The following CTNNA3 variants were observed in gnomAD, a reference collection of about 807,000 sequenced individuals.
CTNNA3 encodes catenin alpha-3.
In CTNNA3, 76 loss-of-function variants were observed where a neutral mutation model predicts 95.7. The ratio of observed to expected loss-of-function variants is 0.79; its 90% confidence interval spans 0.66 to 0.96. The LOEUF is 0.96. CTNNA3 is among the 40% of genes least tolerant of loss of function. The pLI is 0.00. For synonymous variants in CTNNA3, 431 were observed against 374.4 expected (o/e 1.15, Z -1.74); for missense variants, 1,191 against 1,089.8 (o/e 1.09, Z -1.31).
intron 13 of CTNNA3, among the ~76,000 whole-genome samples, chr10:66,265,490 C>T (rs1201960963): frequency 1.3e-5 from 2 of 151,990 alleles, no homozygotes; most frequent in African/African-American, 4.8e-5. Flanking sequence ...TTCAAACAGC[C>T]TAGCATGTAT....
At chr10:67,139,376 T>G (rs1435296440) in intron 7 of CTNNA3, among the ~76,000 whole-genome samples, 1 of 150,154 alleles carries the variant, frequency 6.7e-6, no homozygotes. Flanking sequence ...CTCGCTTTCC[T>G]GACCTCATGA....
At chr10:67,329,560 C>T (rs898691926) in intron 5 of CTNNA3, among the ~76,000 whole-genome samples, 3 of 152,276 alleles carry the variant, frequency 2.0e-5, no homozygotes, top group East Asian at 1.9e-4. Flanking sequence ...AATTATTTTA[C>T]ATTTACAGCA....
chr10:66,555,658 T>G (rs1044211243), intron 10 of CTNNA3, among the ~76,000 whole-genome samples: 13 of 152,122 alleles, frequency 8.5e-5, no homozygotes, highest in Admixed American at 2.6e-4. Flanking sequence ...CAATATTTTT[T>G]CCAGCTATTT....
intron 9 of CTNNA3, among the ~76,000 whole-genome samples, chr10:66,741,225 C>T (rs1317472081): frequency 1.3e-5 from 2 of 152,132 alleles, no homozygotes; most frequent in African/African-American, 4.8e-5. Flanking sequence ...GTAAAGAAGG[C>T]TTTTTCTGGG....
intron 11 of CTNNA3, among the ~76,000 whole-genome samples, chr10:66,405,743 T>C (rs1181730186): frequency 6.6e-6 from 1 of 152,208 alleles, no homozygotes; most frequent in Admixed American, 6.6e-5. Context: ...CTGGTGTTCC[T>C]GTCCTATGCT....
chr10:67,430,876 A>G (rs1052920026), intron 5 of CTNNA3, among the ~76,000 whole-genome samples: 2 of 141,680 alleles, frequency 1.4e-5, no homozygotes, highest in African/African-American at 5.1e-5. Flanking sequence ...TCGCCTAAAA[A>G]GAAAACTGTT....
chr10:66,093,720 T>C (rs886695291), intron 14 of CTNNA3, among the ~76,000 whole-genome samples: 1 of 152,082 alleles, frequency 6.6e-6, no homozygotes, highest in African/African-American at 2.4e-5. Context: ...TGTCTAAGAA[T>C]TTATAGTAAG....
intron 7 of CTNNA3, among the ~76,000 whole-genome samples, chr10:67,011,723 A>C (rs1234758189): frequency 6.6e-6 from 1 of 152,204 alleles, no homozygotes; most frequent in Non-Finnish European, 1.5e-5. Context: ...TAAGCACTTT[A>C]TATGTATGAA....
chr10:67,355,378 A>G (rs894809848), intron 5 of CTNNA3, among the ~76,000 whole-genome samples: 16 of 152,066 alleles, frequency 1.1e-4, no homozygotes, highest in African/African-American at 3.4e-4. Flanking sequence ...GTGTGTAGCC[A>G]CGAGTAGTGG....
At chr10:67,440,904 C>A (rs1846487293) in intron 5 of CTNNA3, among the ~76,000 whole-genome samples, 1 of 151,882 alleles carries the variant, frequency 6.6e-6, no homozygotes, top group Admixed American at 6.6e-5. Context: ...GACAAATACC[C>A]ACAAGCAACA....
intron 5 of CTNNA3, among the ~76,000 whole-genome samples, chr10:67,455,160 C>T (rs1436419426): frequency 1.3e-5 from 2 of 152,090 alleles, no homozygotes; most frequent in African/African-American, 2.4e-5. Flanking sequence ...TTAACATGCA[C>T]ATTTTCCCAT....
chr10:65,935,068 A>G (rs1278687533), intron 17 of CTNNA3, among the ~76,000 whole-genome samples: 1 of 152,128 alleles, frequency 6.6e-6, no homozygotes, highest in Non-Finnish European at 1.5e-5. Flanking sequence ...GACATGTACA[A>G]GCCAGTGCAA....
At chr10:67,672,210 G>T (rs1311160973) in intron 1 of CTNNA3, among the ~76,000 whole-genome samples, 1 of 152,028 alleles carries the variant, frequency 6.6e-6, no homozygotes, top group Non-Finnish European at 1.5e-5. Context: ...GGGGTTGTTT[G>T]TTTTTTTCTT....
At chr10:66,195,141 T>G (rs1174567461) in intron 13 of CTNNA3, among the ~76,000 whole-genome samples, 1 of 152,022 alleles carries the variant, frequency 6.6e-6, no homozygotes, top group Admixed American at 6.6e-5. Context: ...AAATGGAGCC[T>G]ACAGATGTCA....
intron 7 of CTNNA3, among the ~76,000 whole-genome samples, chr10:67,091,880 T>G (rs541258863): frequency 8.5e-5 from 13 of 152,122 alleles, no homozygotes; most frequent in African/African-American, 3.1e-4. Flanking sequence ...TCAGAGATAA[T>G]GAGCTCAGTT....
intron 7 of CTNNA3, among the ~76,000 whole-genome samples, chr10:66,850,802 T>C (rs569240996): frequency 1.3e-5 from 2 of 152,290 alleles, no homozygotes; most frequent in African/African-American, 2.4e-5. Flanking sequence ...TGCTTTCTCA[T>C]TTAGTTTCAG....
intron 11 of CTNNA3, among the ~76,000 whole-genome samples, chr10:66,423,374 T>A (rs1256985725): frequency 6.6e-6 from 1 of 152,158 alleles, no homozygotes; most frequent in African/African-American, 2.4e-5. Flanking sequence ...ATGGGAATAA[T>A]ATGTTTCTTG....
At chr10:66,425,575 T>C (rs1025655454) in intron 11 of CTNNA3, among the ~76,000 whole-genome samples, 1 of 152,204 alleles carries the variant, frequency 6.6e-6, no homozygotes, top group Admixed American at 6.6e-5. Context: ...AAAGTACTAA[T>C]GGAACCTTCC....
chr10:67,613,770 A>G (rs543541055), intron 2 of CTNNA3, among the ~76,000 whole-genome samples: 1 of 151,700 alleles, frequency 6.6e-6, no homozygotes, highest in Non-Finnish European at 1.5e-5. Flanking sequence ...AAAATACCAC[A>G]GACTGGGTGG....
Sources: allele counts gnomAD v4.1 joint callset (sites outside exome capture counted in the v4.1 genomes callset), GRCh38; gene constraint gnomAD v4.1.1; transcripts MANE v1.5; gene names NCBI Gene and HGNC (gene_info 2026-07-23, HGNC 2026-07-21).